Variants in DUS2 observed in about 807,000 individuals in gnomAD.
DUS2 encodes dihydrouridine synthase 2, also known as tRNA-dihydrouridine(20) synthase [NAD(P)+]-like.
Under a neutral mutation model 71.3 loss-of-function variants are expected in DUS2, and 52 were observed. That is an observed-to-expected ratio of 0.73 (90% confidence interval 0.58 to 0.92). DUS2 has a LOEUF of 0.92. Ranked by LOEUF, DUS2 falls within the 40% of genes least tolerant of loss-of-function variation. The pLI is 0.00. For missense variants in DUS2, 558 were observed against 622.6 expected (o/e 0.90, Z 1.10); for synonymous variants, 204 against 227.8 (o/e 0.90, Z 0.94).
At chr16:68,049,418 C>G in intron 3 of DUS2, 87 bp from the exon 4 acceptor site, 1 of 1,416,696 alleles carries the variant, frequency 7.1e-7, no homozygotes, top group Non-Finnish European at 1.0e-6. Flanking sequence ...ACTGGCCAAG[C>G]GATCCTCATT....
chr16:68,069,806 C>T (rs2034058282), intron 10 of DUS2, among the ~76,000 whole-genome samples: 1 of 152,184 alleles, frequency 6.6e-6, no homozygotes, highest in Non-Finnish European at 1.5e-5. Context: ...TCCCTCATCT[C>T]TGGCAGAGGC....
chr16:68,074,150 A>G lies in DUS2; in HGVS notation c.927A>G (p.Glu309=). The G allele has an allele frequency of 6.2e-7, 1 of 1,613,998 alleles. No individual in the cohort carries two copies. The highest frequency in any genetic ancestry group is 2.2e-5 in the East Asian group (1 of 44,872). Residue 309 remains glutamate, a synonymous_variant, in exon 13 of 17, where the codon GAA becomes GAG. Coordinates refer to ENST00000565263, the MANE Select transcript of DUS2 (RefSeq NM_017803.5). ...TCCATGCTGCCCAGTCTTCCCGGGA[A>G]ATTTGGTAAGAGGCACAATAAGATG... ...RLLHAAQSSR[E]ICEAFGLGAF...
At chr16:68,066,174 G>A (rs1401012043) in intron 8 of DUS2, 143 bp from the exon 9 acceptor site, 1 of 786,742 alleles carries the variant, frequency 1.3e-6, no homozygotes, top group Non-Finnish European at 2.2e-6. Flanking sequence ...GTGTATGTGT[G>A]TAACAGACAC....
intron 4 of DUS2, among the ~76,000 whole-genome samples, chr16:68,053,279 C>T (rs901724568): frequency 2.6e-5 from 4 of 152,152 alleles, no homozygotes; most frequent in South Asian, 4.1e-4. Context: ...ACATTTTAAA[C>T]GTTGCAAAAT....
chr16:68,046,510 C>G (rs2033703705), intron 3 of DUS2, among the ~76,000 whole-genome samples: 1 of 152,112 alleles, frequency 6.6e-6, no homozygotes, highest in Non-Finnish European at 1.5e-5. Context: ...TCCCCAGTAG[C>G]TGGGATACAG....
intron 6 of DUS2, among the ~76,000 whole-genome samples, chr16:68,056,055 C>T (rs144074223): frequency 4.6e-5 from 7 of 152,094 alleles, no homozygotes; most frequent in Non-Finnish European, 8.8e-5. Context: ...CTATTTCAGC[C>T]GAGTTCAGTG....
chr16:68,033,648 T>C (rs2033474073), intron 2 of DUS2, among the ~76,000 whole-genome samples: 1 of 148,648 alleles, frequency 6.7e-6, no homozygotes, highest in Admixed American at 6.7e-5. Context: ...TTTTTTTTTT[T>C]TTTTTTTTTA....
chr16:68,042,515 C>T (rs1359718753), intron 3 of DUS2, among the ~76,000 whole-genome samples: 3 of 151,972 alleles, frequency 2.0e-5, no homozygotes, highest in Non-Finnish European at 4.4e-5. Context: ...TCTCTACATC[C>T]TCAAAAATGC....
intron 15 of DUS2, 129 bp from the exon 16 acceptor site, chr16:68,078,316 T>C: frequency 1.2e-6 from 1 of 837,888 alleles, no homozygotes; most frequent in Non-Finnish European, 2.0e-6. Context: ...GAGGAGCATG[T>C]GATACAGGCA....
chr16:68,055,972 T>G (rs1050088214), intron 6 of DUS2, among the ~76,000 whole-genome samples: 3 of 152,020 alleles, frequency 2.0e-5, no homozygotes, highest in Non-Finnish European at 4.4e-5. Context: ...TGCTAGAACT[T>G]CCACCAGAAG....
intron 2 of DUS2, among the ~76,000 whole-genome samples, chr16:68,029,510 G>C (rs1302195582): frequency 2.0e-5 from 3 of 151,768 alleles, no homozygotes; most frequent in African/African-American, 4.8e-5. Context: ...GCAGTGATAC[G>C]ATCTTGGCTC....
chr16:68,068,326 G>A (rs1052239676), intron 10 of DUS2, among the ~76,000 whole-genome samples: 1 of 152,178 alleles, frequency 6.6e-6, no homozygotes, highest in African/African-American at 2.4e-5. Context: ...TTGAAGCCAG[G>A]AGGGAGGAGT....
At chr16:68,039,321 C>T (rs901897613) in intron 3 of DUS2, among the ~76,000 whole-genome samples, 1 of 152,016 alleles carries the variant, frequency 6.6e-6, no homozygotes, top group Non-Finnish European at 1.5e-5. Flanking sequence ...GAAAATTAGG[C>T]TGGGCAGAGT....
intron 3 of DUS2, among the ~76,000 whole-genome samples, chr16:68,041,986 C>T (rs948238043): frequency 3.3e-5 from 5 of 151,952 alleles, no homozygotes; most frequent in African/African-American, 7.3e-5. Context: ...TCTTGTGAAA[C>T]GGAAACCCTG....
intron 2 of DUS2, among the ~76,000 whole-genome samples, chr16:68,029,930 G>C (rs951922739): frequency 1.3e-5 from 2 of 150,128 alleles, no homozygotes; most frequent in Admixed American, 6.7e-5. Flanking sequence ...ATTTTTTGTA[G>C]AGGTGGTGTC....
intron 3 of DUS2, among the ~76,000 whole-genome samples, chr16:68,039,406 C>T (rs974474560): frequency 1.3e-4 from 19 of 151,594 alleles, no homozygotes; most frequent in African/African-American, 3.4e-4. Context: ...GGCAACATAG[C>T]GAGACCCTGT....
At position 68,026,661 on chromosome 16, in the gene DUS2, G is replaced by A. The variant is rs534325678; in HGVS notation, c.-19+1167G>A. Reference sequence around the variant, plus strand: ...TGAGAGGCCAAGGCGGGCAGATCACGAGGTCAGGAGTTCAAGACCAGTCTG... The same window carrying A: ...TGAGAGGCCAAGGCGGGCAGATCACAAGGTCAGGAGTTCAAGACCAGTCTG... On this transcript the variant is annotated intron_variant, in intron 2 of 16. Transcript: ENST00000565263. Among the ~76,000 whole-genome samples, 4 of 152,048 alleles carry A rather than the reference G, an allele frequency of 2.6e-5. No homozygotes were observed. The East Asian group carries it at 7.7e-4, about 29-fold the overall frequency.
At chr16:68,078,137 A>G in intron 15 of DUS2, 1 of 395,534 alleles carries the variant, frequency 2.5e-6, no homozygotes, top group South Asian at 2.8e-5. Flanking sequence ...CCCTTTTGGC[A>G]TCTGGTGACT....
chr16:68,056,315 T>C, intron 6 of DUS2, 49 bp from the exon 7 acceptor site: 1 of 1,550,314 alleles, frequency 6.5e-7, no homozygotes, highest in Non-Finnish European at 8.9e-7. Context: ...TTTCACCTTC[T>C]TTGCTCTAAT....
Sources: gnomAD v4.1 joint callset for allele counts (sites outside exome capture counted in the v4.1 genomes callset) on GRCh38, gnomAD v4.1.1 for gene constraint, MANE v1.5 for transcripts, NCBI Gene and HGNC (gene_info 2026-07-23, HGNC 2026-07-21) for gene names.